Variants in PCDHA13 observed in about 807,000 individuals in gnomAD.
The protein encoded by PCDHA13 is protocadherin alpha 13, also known as protocadherin alpha-13.
Under a neutral mutation model 64.8 loss-of-function variants are expected in PCDHA13, and 54 were observed. That is an observed-to-expected ratio of 0.83 (90% CI 0.67 to 1.04). The LOEUF is 1.04. Ranked by LOEUF, PCDHA13 falls within the 50% of genes least tolerant of loss-of-function variation. The pLI, the probability that PCDHA13 is intolerant of heterozygous loss-of-function variation, is 0.00. For missense variants in PCDHA13, 1,248 were observed against 1,254.3 expected (o/e 0.99, Z 0.08); for synonymous variants, 587 against 564.4 (o/e 1.04, Z -0.57).
In PCDHA13 at chr5:140,971,294, T is replaced by C. The variant is rs3776113; in HGVS notation, c.2395-7655T>C. Reference sequence around the variant, plus strand: ...CTGACCTGTATATTAATATGTACTTTGGTACACAAACATTTAATCTAGGGA... The same window carrying C: ...CTGACCTGTATATTAATATGTACTTCGGTACACAAACATTTAATCTAGGGA... On this transcript the variant is annotated intron_variant, in intron 1 of 3. Transcript: ENST00000289272. Among the ~76,000 whole-genome samples the C allele has an allele frequency of 6.4e-4, 97 of 152,362 alleles. No individual in the cohort carries two copies. In the East Asian group the frequency reaches 0.018, roughly 28 times the overall value.
chr5:140,998,965 G>C (rs1320225650), intron 3 of PCDHA13, among the ~76,000 whole-genome samples: 1 of 152,232 alleles, frequency 6.6e-6, no homozygotes, highest in Non-Finnish European at 1.5e-5. Context: ...TAATCAAATA[G>C]TATCCTAGAA....
At chr5:140,908,794 C>T (rs1554193480) in intron 1 of PCDHA13, among the ~76,000 whole-genome samples, 1 of 152,142 alleles carries the variant, frequency 6.6e-6, no homozygotes, top group African/African-American at 2.4e-5. Context: ...TTCTGTACTA[C>T]ATTAAAAAGT....
At chr5:140,891,889 G>C (rs1319520907) in intron 1 of PCDHA13, among the ~76,000 whole-genome samples, 1 of 152,224 alleles carries the variant, frequency 6.6e-6, no homozygotes, top group Non-Finnish European at 1.5e-5. Context: ...ATGTGACGAT[G>C]CAGCAAGAAG....
chr5:141,000,912 A>G (rs1434885581), intron 3 of PCDHA13, among the ~76,000 whole-genome samples: 1 of 152,194 alleles, frequency 6.6e-6, no homozygotes, highest in East Asian at 1.9e-4. Context: ...TGTCTCTAAA[A>G]AAAAAAATCC....
intron 3 of PCDHA13, among the ~76,000 whole-genome samples, chr5:140,986,303 A>G (rs2097193977): frequency 6.6e-6 from 1 of 152,166 alleles, no homozygotes; most frequent in South Asian, 2.1e-4. Context: ...CAGAGAGAGA[A>G]AATTAGCTAA....
intron 1 of PCDHA13, among the ~76,000 whole-genome samples, chr5:140,915,048 C>T (rs782399136): frequency 2.0e-5 from 3 of 151,284 alleles, no homozygotes; most frequent in East Asian, 1.9e-4. Context: ...TGGGTTCAAG[C>T]GATTCTCCTG....
At chr5:140,966,740 C>G in intron 1 of PCDHA13, 1 of 1,422,696 alleles carries the variant, frequency 7.0e-7, no homozygotes, top group Non-Finnish European at 9.1e-7. Flanking sequence ...CGGCCCTGCC[C>G]GGCTGCCTCC....
At chr5:141,003,762 G>A (rs1295345972) in intron 3 of PCDHA13, among the ~76,000 whole-genome samples, 1 of 152,146 alleles carries the variant, frequency 6.6e-6, no homozygotes, top group East Asian at 1.9e-4. Flanking sequence ...AATTATGGTC[G>A]TATTCTGTTA....
intron 3 of PCDHA13, among the ~76,000 whole-genome samples, chr5:140,998,568 A>AG (rs1167593072): frequency 3.1e-5 from 3 of 96,370 alleles, no homozygotes; most frequent in African/African-American, 1.3e-4. Context: ...ATTGTAAATA[A>AG]GTTTTTTTTT....
chr5:140,888,754 C>CT lies in PCDHA13; in HGVS notation c.2394+4102dup, dbSNP rs782694187. Reference sequence around the variant, plus strand: ...TGAGCTCTAGGAATTATTCTACCCACTTTTTTTTTTAATTTTGAAGGGATA... The same window carrying CT: ...TGAGCTCTAGGAATTATTCTACCCACTTTTTTTTTTTAATTTTGAAGGGATA... On this transcript the variant is annotated intron_variant, in intron 1 of 3. Transcript: ENST00000289272. 7.0e-3 allele frequency among the ~76,000 whole-genome samples: 1,040 copies of CT among 148,666 alleles called. 3 individuals are homozygous for CT. The highest frequency in any genetic ancestry group is 0.038 in the Middle Eastern group (11 of 290).
At chr5:140,968,990 T>C in intron 1 of PCDHA13, 1 of 1,614,254 alleles carries the variant, frequency 6.2e-7, no homozygotes, top group Non-Finnish European at 8.5e-7. Flanking sequence ...CACTGCATGC[T>C]GTGGAGGCTT....
intron 1 of PCDHA13, among the ~76,000 whole-genome samples, chr5:140,969,721 C>A (rs1399042401): frequency 6.6e-5 from 10 of 152,126 alleles, no homozygotes; most frequent in African/African-American, 2.2e-4. Context: ...GGAAATTTTT[C>A]TTTTGAAATC....
intron 2 of PCDHA13, among the ~76,000 whole-genome samples, chr5:140,981,928 T>A (rs141616160): frequency 6.6e-6 from 1 of 152,202 alleles, no homozygotes; most frequent in African/African-American, 2.4e-5. Context: ...GTTTCTCTAG[T>A]CTCAGGAAAT....
intron 1 of PCDHA13, chr5:140,966,591 C>A (rs2096024240): frequency 1.7e-6 from 1 of 588,704 alleles, no homozygotes; most frequent in Non-Finnish European, 2.7e-6. Flanking sequence ...GACGGTGGGG[C>A]CAGGAGCCCT....
Position 140,978,781 on chromosome 5 carries a change from A to C in PCDHA13, c.2395-168A>C, listed in dbSNP as rs4461687. ...GACCCTGATGAACTAATTTTCTTCT[A>C]AAGTGCTATATATGTAGATATCATC... On this transcript the variant is annotated intron_variant, in intron 1 of 3. Coordinates refer to ENST00000289272, the MANE Select transcript of PCDHA13 (RefSeq NM_018904.3). 2,731 of 969,880 alleles carry C rather than the reference A, an allele frequency of 2.8e-3. 24 individuals carry two copies. The East Asian group carries it at 0.042, about 15-fold the overall frequency. The allele number at this position is 969,880 out of a possible 1,614,324, so 60.1% of individuals were successfully genotyped here.
At chr5:141,003,913 T>C (rs1554259375) in intron 3 of PCDHA13, among the ~76,000 whole-genome samples, 1 of 152,206 alleles carries the variant, frequency 6.6e-6, no homozygotes, top group African/African-American at 2.4e-5. Flanking sequence ...GGGTCTTGAC[T>C]GCATCCTCAG....
At chr5:140,992,035 G>A (rs529236840) in intron 3 of PCDHA13, among the ~76,000 whole-genome samples, 1 of 151,988 alleles carries the variant, frequency 6.6e-6, no homozygotes, top group Non-Finnish European at 1.5e-5. Flanking sequence ...GTGTGTGTGT[G>A]TGTGTGTGTG....
chr5:140,941,202 C>CTTTCTGTCTTTCTTT (rs1554213921), intron 1 of PCDHA13, among the ~76,000 whole-genome samples: 1 of 122,742 alleles, frequency 8.1e-6, no homozygotes, highest in African/African-American at 3.0e-5. Context: ...TTTCTTTCTT[C>CTTTCTGTCTTTCTTT]CTTTCTTTCT....
rs147440301 is a variant in PCDHA13, at chr5:140,924,523, G to A, written c.2394+39861G>A. On this transcript the variant is annotated intron_variant, in intron 1 of 3. Transcript: ENST00000289272. ...AATCCCACTCTTAGTGTTAAAAAGA[G>A]AATGCCCGAGCTACCCCTCTCCCCA... is the stretch of plus-strand genomic sequence containing the variant. Among the ~76,000 whole-genome samples, 1,224 of 152,202 alleles carry A rather than the reference G, an allele frequency of 8.0e-3. 6 individuals carry two copies. The highest frequency in any genetic ancestry group is 0.019 in the African/African-American group (791 of 41,530).
Sources: gnomAD v4.1 joint callset for allele counts (sites outside exome capture counted in the v4.1 genomes callset) on GRCh38, gnomAD v4.1.1 for gene constraint, MANE v1.5 for transcripts, NCBI Gene and HGNC (gene_info 2026-07-23, HGNC 2026-07-21) for gene names.